LMNB1: variants seen among roughly 807,000 people sequenced by gnomAD.
LMNB1 encodes lamin B1, also known as lamin-B1.
Under a neutral mutation model 67.1 loss-of-function variants are expected in LMNB1, and 23 were observed. The observed-to-expected ratio is 0.34, with a 90% CI of 0.25 to 0.49. The LOEUF is 0.49. Ranked by LOEUF, LMNB1 falls within the 20% of genes least tolerant of loss-of-function variation. The pLI is 0.99. For missense variants in LMNB1, 634 were observed against 746.5 expected, an observed-to-expected ratio of 0.85 and a Z score of 1.76; for synonymous variants, 281 against 282.9, an observed-to-expected ratio of 0.99 and a Z score of 0.07.
intron 3 of LMNB1, among the ~76,000 whole-genome samples, chr5:126,806,728 C>T (rs545512907): frequency 6.6e-6 from 1 of 152,158 alleles, no homozygotes; most frequent in Non-Finnish European, 1.5e-5. Context: ...TTGGCCTTCT[C>T]CTATGGCTCA....
chr5:126,836,487 A>G lies in LMNB1; in HGVS notation c.*223A>G, dbSNP rs1316550728. The G allele has an allele frequency of 6.3e-6, 3 of 478,984 alleles. No individual in the cohort carries two copies. Among genetic ancestry groups the G allele is most frequent in the African/African-American group, 3.9e-5 (2 of 50,800 alleles). The allele number at this position is 478,984 out of a possible 1,614,324, so 29.7% of individuals were successfully genotyped here. On this transcript the variant is annotated 3_prime_UTR_variant, in exon 11 of 11. Coordinates refer to ENST00000261366, the MANE Select transcript of LMNB1 (RefSeq NM_005573.4). ...ATGTGAATTATTGACACTGAACTTA[A>G]TAACTGTGTACTGTTCGGAAGGGGT...
rs1751802272 is a variant in LMNB1, at chr5:126,819,289, C to G, written c.1160+147C>G. On this transcript the variant is annotated intron_variant, in intron 6 of 10. Transcript: ENST00000261366. Reference sequence around the variant, plus strand: ...CCTAGGTATAGAAGTAGTAATAGATCATATTTCTACCTCATCGCAGAAAAT... The same window carrying G: ...CCTAGGTATAGAAGTAGTAATAGATGATATTTCTACCTCATCGCAGAAAAT... The G allele has an allele frequency of 5.2e-6, 3 of 577,262 alleles. No homozygotes were observed. In the East Asian group the frequency reaches 8.6e-5, roughly 17 times the overall value. 35.8% of individuals were successfully genotyped at this position (577,262 alleles called of 1,614,324 possible).
At chr5:126,800,151 C>A (rs938078727) in intron 1 of LMNB1, among the ~76,000 whole-genome samples, 2 of 152,122 alleles carry the variant, frequency 1.3e-5, no homozygotes, top group African/African-American at 4.8e-5. Context: ...TTGAGTATCC[C>A]CACCCTATAC....
chr5:126,831,051 A>G (rs928350482), intron 9 of LMNB1, among the ~76,000 whole-genome samples: 3 of 152,238 alleles, frequency 2.0e-5, no homozygotes, highest in African/African-American at 7.2e-5. Context: ...AAGAGTAATA[A>G]AAAATCCCCA....
At chr5:126,805,356 A>G (rs142604743) in intron 2 of LMNB1, among the ~76,000 whole-genome samples, 6 of 152,378 alleles carry the variant, frequency 3.9e-5, no homozygotes, top group East Asian at 1.9e-4. Context: ...CCTGTTGCCA[A>G]TTAACAATTT....
At chr5:126,823,547 T>G (rs1751920499) in intron 8 of LMNB1, among the ~76,000 whole-genome samples, 1 of 152,224 alleles carries the variant, frequency 6.6e-6, no homozygotes, top group Non-Finnish European at 1.5e-5. Context: ...CAATAAAATA[T>G]GTTAACTTTG....
chr5:126,802,734 C>T (rs1459432605), intron 1 of LMNB1, among the ~76,000 whole-genome samples: 1 of 152,142 alleles, frequency 6.6e-6, no homozygotes, highest in Admixed American at 6.5e-5. Flanking sequence ...GCCCACCATG[C>T]CCGGCAATAA....
At chr5:126,777,908 C>A in intron 1 of LMNB1, 41 bp downstream of exon 1, 1 of 1,376,444 alleles carries the variant, frequency 7.3e-7, no homozygotes, top group Non-Finnish European at 9.4e-7. Context: ...CAAGGAGGGG[C>A]GGGGGCGCAA....
intron 3 of LMNB1, among the ~76,000 whole-genome samples, chr5:126,807,430 C>T (rs1245622895): frequency 1.3e-5 from 2 of 152,194 alleles, no homozygotes; most frequent in Admixed American, 1.3e-4. Context: ...ACCAGACAAG[C>T]AGTCAGACCT....
chr5:126,782,884 G>A (rs1750667373), intron 1 of LMNB1, among the ~76,000 whole-genome samples: 1 of 151,652 alleles, frequency 6.6e-6, no homozygotes, highest in African/African-American at 2.4e-5. Flanking sequence ...TGTTTTCTTT[G>A]TACATAGGAT....
chr5:126,784,678 C>CG (rs1750719775), intron 1 of LMNB1, among the ~76,000 whole-genome samples: 1 of 121,788 alleles, frequency 8.2e-6, no homozygotes, highest in East Asian at 2.4e-4. Context: ...TTTTTTGAGA[C>CG]GGAGTTTTGC....
At chr5:126,831,705 A>G (rs1322758517) in intron 9 of LMNB1, among the ~76,000 whole-genome samples, 2 of 152,192 alleles carry the variant, frequency 1.3e-5, no homozygotes, top group Admixed American at 6.5e-5. Flanking sequence ...TTAGCACCTT[A>G]TCTTTGCCAG....
chr5:126,777,598 C>A lies in LMNB1; in HGVS notation c.90C>A (p.Leu30=). Residue 30 remains leucine, a synonymous_variant, in exon 1 of 11, where the codon CTC becomes CTA. Coordinates refer to ENST00000261366, the MANE Select transcript of LMNB1 (RefSeq NM_005573.4). Reference sequence around the variant, plus strand: ...TGAGCCCCACGCGCCTGTCGCGGCTCCAGGAGAAGGAGGAGCTGCGCGAGC... The same window carrying A: ...TGAGCCCCACGCGCCTGTCGCGGCTACAGGAGAAGGAGGAGCTGCGCGAGC... ...TPLSPTRLSR[L]QEKEELRELN... The A allele has an allele frequency of 6.5e-7, 1 of 1,532,216 alleles. No homozygotes were observed. The highest frequency in any genetic ancestry group is 8.8e-7 in the Non-Finnish European group (1 of 1,139,618). 94.9% of individuals were successfully genotyped at this position (1,532,216 alleles called of 1,614,324 possible).
chr5:126,833,291 C>T (rs1187360028), intron 10 of LMNB1, among the ~76,000 whole-genome samples: 1 of 152,058 alleles, frequency 6.6e-6, no homozygotes, highest in African/African-American at 2.4e-5. Flanking sequence ...CTTTTGAGAG[C>T]CCTTGAAATA....
intron 10 of LMNB1, 145 bp downstream of exon 10, chr5:126,832,946 A>G (rs1233625203): frequency 1.1e-5 from 5 of 472,936 alleles, no homozygotes; most frequent in Non-Finnish European, 1.9e-5. Context: ...CCCCAAAGGG[A>G]TATTCAAGGT....
chr5:126,786,629 C>G (rs767580867), intron 1 of LMNB1, among the ~76,000 whole-genome samples: 80 of 152,170 alleles, frequency 5.3e-4, no homozygotes, highest in Non-Finnish European at 1.5e-4. Flanking sequence ...TCTGGTTTAC[C>G]GACATGTAGC....
At position 126,800,982 on chromosome 5, in the gene LMNB1, A is replaced by AAAATTTTT. The variant is rs1332039988; in HGVS notation, c.360-3794_360-3793insAAATTTTT. On this transcript the variant is annotated intron_variant, in intron 1 of 10. Coordinates refer to ENST00000261366, the MANE Select transcript of LMNB1 (RefSeq NM_005573.4). ...ATATATATATATATATATATATATA[A>AAAATTTTT]TTTTTTTTTTTTTTTTTTGGTGGTA... Among the ~76,000 whole-genome samples, 107 of 18,634 alleles carry AAAATTTTT rather than the reference A, an allele frequency of 5.7e-3. 9 individuals are homozygous for AAAATTTTT. The highest frequency in any genetic ancestry group is 0.017 in the African/African-American group (103 of 5,924). 12.2% of individuals were successfully genotyped at this position (18,634 alleles called of 152,430 possible).
intron 1 of LMNB1, among the ~76,000 whole-genome samples, chr5:126,799,182 C>A (rs1466635521): frequency 6.6e-6 from 1 of 152,094 alleles, no homozygotes; most frequent in Admixed American, 6.5e-5. Flanking sequence ...CCTCGCCCGG[C>A]TAATTTTTTG....
At chr5:126,795,490 T>G (rs1751064288) in intron 1 of LMNB1, among the ~76,000 whole-genome samples, 1 of 152,158 alleles carries the variant, frequency 6.6e-6, no homozygotes, top group Non-Finnish European at 1.5e-5. Context: ...AATGACTTTC[T>G]GCATGTTATG....
Sources: gnomAD v4.1 joint callset for allele counts (sites outside exome capture counted in the v4.1 genomes callset) on GRCh38, gnomAD v4.1.1 for gene constraint, MANE v1.5 for transcripts, NCBI Gene and HGNC (gene_info 2026-07-23, HGNC 2026-07-21) for gene names.